The following CNOT9 variants were observed in gnomAD, a reference collection of about 807,000 sequenced individuals.
CNOT9 encodes the protein RCD1 required for cell differentiation1 homolog.
In CNOT9, 8 loss-of-function variants were observed where a neutral mutation model predicts 37.4. The ratio of observed to expected loss-of-function variants is 0.21; its 90% CI spans 0.13 to 0.39. The LOEUF is 0.39. Among genes scored for constraint, CNOT9 ranks in the 10% least tolerant of loss-of-function variants. The probability of loss-of-function intolerance (pLI) is 1.00; values close to 1 mark genes in which losing one functional copy is unlikely to be tolerated. For missense variants in CNOT9, 154 were observed against 365.3 expected (o/e 0.42, Z 4.71); for synonymous variants, 120 against 137.6 (o/e 0.87, Z 0.90).
Position 218,592,553 on chromosome 2 carries a change from A to G in CNOT9, c.640-63A>G. On this transcript the variant is annotated intron_variant, in intron 6 of 7. Transcript: ENST00000273064. The surrounding 1 kb of genome is among the most constrained non-coding windows in gnomAD (Gnocchi z 4.1). ...TTGGACTATCTGATCTCTGATGTCA[A>G]TTAGAATTTGTTTGTGTTTTGTGTG... 6.4e-7 allele frequency: 1 copy of G among 1,556,374 alleles called. No individual in the cohort carries two copies.
intron 1 of CNOT9, among the ~76,000 whole-genome samples, chr2:218,579,402 T>C (rs762543209): frequency 6.6e-6 from 1 of 152,214 alleles, no homozygotes. Flanking sequence ...GAGAGCTGCT[T>C]CTTTTTTTAA....
rs760958122 is a variant in CNOT9 at position 218,568,924 on chromosome 2, G to T, written c.-31G>T. The stretch of plus-strand genomic sequence containing the variant: ...GGGGGACGCGGGTCGGACGCGTCCG[G>T]CTGTGGAAGAGAGCGGCGGCCGCTC... On this transcript the variant is annotated 5_prime_UTR_variant, in exon 1 of 8. Transcript: ENST00000273064. The T allele has an allele frequency of 6.2e-7, 1 of 1,605,962 alleles. No homozygotes were observed. Among genetic ancestry groups the T allele is most frequent in the Non-Finnish European group, 8.5e-7 (1 of 1,176,120 alleles).
At chr2:218,582,889 CTT>C (rs111430766) in intron 2 of CNOT9, 80 bp from the exon 3 acceptor site, 14,030 of 635,496 alleles carry the variant, frequency 0.022, no homozygotes, top group South Asian at 0.029. Context: ...TTTTATTTGC[CTT>C]TTTTTTTTTT....
rs1177324358 is a variant in CNOT9 at position 218,592,866 on chromosome 2, A to T, written c.731+159A>T. The T allele has an allele frequency of 4.8e-6, 3 of 622,274 alleles. No homozygotes were observed. Among genetic ancestry groups the T allele is most frequent in the Non-Finnish European group, 8.4e-6 (3 of 356,874 alleles). The allele number at this position is 622,274 out of a possible 1,614,324, so 38.5% of individuals were successfully genotyped here. On this transcript the variant is annotated intron_variant, in intron 7 of 7. Transcript: ENST00000273064. This position sits in a 1 kb window ranked among gnomAD's most constrained non-coding sequence, Gnocchi z 4.1. The stretch of plus-strand genomic sequence containing the variant: ...ACTTAGATTCTTTTAAAAATCTGAA[A>T]TGCTGAATTTTAGTAGCCATCAGTT...
In CNOT9 at chr2:218,594,394, A is replaced by G. The variant is rs2106101787; in HGVS notation, c.*118A>G. 1 of 1,182,958 alleles carries G rather than the reference A, an allele frequency of 8.5e-7. No homozygotes were observed. Among genetic ancestry groups the G allele is most frequent in the South Asian group, 1.5e-5 (1 of 65,064 alleles). 73.3% of individuals were successfully genotyped at this position (1,182,958 alleles called of 1,614,324 possible). A position where few individuals can be genotyped will look rare whatever the true frequency, so the allele number is the denominator to read the frequency against. On this transcript the variant is annotated 3_prime_UTR_variant, in exon 8 of 8. Transcript: ENST00000273064. ...ATAGACAACCTCAATGCTGAACCGC[A>G]CTGGAGAAAAGGGGCAAGGTACCCC...
rs1475406056 is a variant in CNOT9, at chr2:218,594,689, T to C, written c.*413T>C. On this transcript the variant is annotated 3_prime_UTR_variant, in exon 8 of 8. Transcript: ENST00000273064. ...GACCAAGCCATGTGGCGTTTTTTAT[T>C]TTGCCTTTCTGGAAGACTCAAGATA... The C allele has an allele frequency of 6.0e-6, 1 of 167,784 alleles. No individual in the cohort carries two copies. The highest frequency in any genetic ancestry group is 1.7e-4 in the East Asian group (1 of 5,966). The allele number at this position is 167,784 out of a possible 1,614,324, so 10.4% of individuals were successfully genotyped here.
intron 7 of CNOT9, chr2:218,593,621 C>A: frequency 7.0e-7 from 1 of 1,432,696 alleles, no homozygotes; most frequent in South Asian, 1.5e-5. Context: ...GTTTTGTTTT[C>A]ACTGCTCATC....
At position 218,594,322 on chromosome 2, in the gene CNOT9, G is replaced by T; in HGVS notation, c.*46G>T. 3.9e-6 allele frequency: 6 copies of T among 1,554,072 alleles called. No homozygotes were observed. The highest frequency in any genetic ancestry group is 5.2e-6 in the Non-Finnish European group (6 of 1,146,166). On this transcript the variant is annotated 3_prime_UTR_variant, in exon 8 of 8. Transcript: ENST00000273064. ...CTACTCCCCCAAGTTGGGGAAAGGA[G>T]GGGGAACCTACGAGAAAAACAGCTC...
intron 1 of CNOT9, among the ~76,000 whole-genome samples, chr2:218,572,268 C>T (rs1424474676): frequency 6.6e-6 from 1 of 152,054 alleles, no homozygotes; most frequent in African/African-American, 2.4e-5. Flanking sequence ...TTGCAGTGAG[C>T]CAAAATCGTG....
rs1269704978 is a variant in CNOT9 at position 218,596,399 on chromosome 2, G to A, written c.*2123G>A. The A allele has an allele frequency of 6.6e-6, 1 of 152,098 alleles. No individual in the cohort carries two copies. Among genetic ancestry groups the A allele is most frequent in the African/African-American group, 2.4e-5 (1 of 41,420 alleles). The allele number at this position is 152,098 out of a possible 1,614,324, so 9.4% of individuals were successfully genotyped here. On this transcript the variant is annotated 3_prime_UTR_variant, in exon 8 of 8. Coordinates refer to ENST00000273064, the MANE Select transcript of CNOT9 (RefSeq NM_005444.3). Reference sequence around the variant, plus strand: ...TCCATCCCTCTCCCTTAACAGGATTGAAATAAAACATGCTTCTGTTTTTGT... The same window carrying A: ...TCCATCCCTCTCCCTTAACAGGATTAAAATAAAACATGCTTCTGTTTTTGT...
At chr2:218,571,038 C>T (rs1199289791) in intron 1 of CNOT9, among the ~76,000 whole-genome samples, 1 of 152,146 alleles carries the variant, frequency 6.6e-6, no homozygotes, top group Non-Finnish European at 1.5e-5. Flanking sequence ...GAGCAAACTG[C>T]ATTATTCTGA....
chr2:218,587,310 A>G (rs1191798908), intron 4 of CNOT9: 2 of 261,874 alleles, frequency 7.6e-6, no homozygotes, highest in South Asian at 1.2e-4. Flanking sequence ...TTTAGTAGAG[A>G]CGGGGTTTCA....
chr2:218,571,360 G>A (rs1693985782), intron 1 of CNOT9, among the ~76,000 whole-genome samples: 1 of 152,150 alleles, frequency 6.6e-6, no homozygotes, highest in Non-Finnish European at 1.5e-5. Flanking sequence ...AGGCTACTGT[G>A]TGCTATGAAG....
At chr2:218,584,417 A>C (rs1694521584) in intron 3 of CNOT9, among the ~76,000 whole-genome samples, 195 bp from the exon 4 acceptor site, 1 of 152,210 alleles carries the variant, frequency 6.6e-6, no homozygotes. Context: ...ACATTGCCAC[A>C]TGTCCTCCAG....
At chr2:218,589,205 T>G (rs981625048) in intron 5 of CNOT9, 1 of 152,172 alleles carries the variant, frequency 6.6e-6, no homozygotes, top group African/African-American at 2.4e-5. Context: ...GCTTTTTACT[T>G]TTAAATATAT....
chr2:218,578,976 A>G (rs1204498090), intron 1 of CNOT9, among the ~76,000 whole-genome samples: 1 of 152,204 alleles, frequency 6.6e-6, no homozygotes, highest in African/African-American at 2.4e-5. Context: ...ATGGTTCTCA[A>G]AGGGATGTAG....
At chr2:218,576,536 C>T (rs1694175486) in intron 1 of CNOT9, among the ~76,000 whole-genome samples, 1 of 152,174 alleles carries the variant, frequency 6.6e-6, no homozygotes, top group Non-Finnish European at 1.5e-5. Context: ...AGAATTTCTC[C>T]TAACATCAAT....
chr2:218,585,638 A>ATTTT (rs535660050), intron 4 of CNOT9, among the ~76,000 whole-genome samples: 1 of 41,826 alleles, frequency 2.4e-5, no homozygotes, highest in Non-Finnish European at 1.8e-4. Context: ...TTTTTATTTT[A>ATTTT]TTTTTTTTTT....
intron 2 of CNOT9, among the ~76,000 whole-genome samples, chr2:218,582,376 A>T (rs1258300116): frequency 1.3e-5 from 2 of 152,162 alleles, no homozygotes; most frequent in Non-Finnish European, 2.9e-5. Context: ...GGAAGTGTAG[A>T]TGACTACATT....
Sources: gnomAD v4.1 joint callset for allele counts (sites outside exome capture counted in the v4.1 genomes callset) on GRCh38, gnomAD v4.1.1 for gene constraint, Gnocchi (gnomAD v3.1) non-coding constraint, MANE v1.5 for transcripts, NCBI Gene and HGNC (gene_info 2026-07-23, HGNC 2026-07-21) for gene names.